KAZN: variants seen among roughly 807,000 people sequenced by gnomAD.
The protein encoded by KAZN is kazrin.
Under a neutral mutation model 87.4 loss-of-function variants are expected in KAZN, and 40 were observed. The observed-to-expected ratio is 0.46, with a 90% confidence interval of 0.36 to 0.60. The LOEUF (loss-of-function observed/expected upper bound fraction) is 0.60, where lower values mean the gene tolerates loss of function less well. KAZN is among the 20% of genes least tolerant of loss of function. The pLI is 0.00. For missense variants in KAZN, 898 were observed against 1,073.9 expected, an observed-to-expected ratio of 0.84 and a Z score of 2.29; for synonymous variants, 466 against 458.3, an observed-to-expected ratio of 1.02 and a Z score of -0.22.
intron 1 of KAZN, among the ~76,000 whole-genome samples, chr1:14,839,301 C>A (rs538948757): frequency 7.2e-5 from 11 of 152,324 alleles, no homozygotes; most frequent in African/African-American, 2.6e-4. Context: ...GTCCCCCTAC[C>A]TTCCCTGGCC....
chr1:14,947,046 A>G (rs946441307), intron 1 of KAZN, among the ~76,000 whole-genome samples: 2 of 152,030 alleles, frequency 1.3e-5, no homozygotes, highest in Non-Finnish European at 2.9e-5. Context: ...ATGGGTGGAG[A>G]AGGAAACTGA....
intron 2 of KAZN, among the ~76,000 whole-genome samples, chr1:14,197,452 G>A (rs1000315903): frequency 2.0e-5 from 3 of 151,258 alleles, no homozygotes; most frequent in African/African-American, 7.3e-5. Flanking sequence ...ACTTTGGGAG[G>A]TGAATCAGGT....
intron 2 of KAZN, among the ~76,000 whole-genome samples, chr1:14,555,560 T>G (rs184671777): frequency 1.3e-5 from 2 of 152,152 alleles, no homozygotes; most frequent in Non-Finnish European, 1.5e-5. Context: ...ATTTTTGACA[T>G]CCCTGGAGAT....
chr1:14,677,283 G>A (rs1220032126), intron 1 of KAZN, among the ~76,000 whole-genome samples: 1 of 152,188 alleles, frequency 6.6e-6, no homozygotes, highest in Non-Finnish European at 1.5e-5. Flanking sequence ...AAGGGCTTCT[G>A]AGGGATAATG....
intron 1 of KAZN, among the ~76,000 whole-genome samples, chr1:13,942,967 TATGGAC>T (rs1319628424): frequency 2.0e-5 from 3 of 152,102 alleles, no homozygotes; most frequent in Admixed American, 2.0e-4. Flanking sequence ...GTAAGAGACA[TATGGAC>T]ATGGTAAAAA....
rs747934824 is a variant in KAZN, at chr1:14,749,941, GT to G, written c.226+150723del. ...AAATGAGGTCATAGTTCTGTATCTT[GT>G]TTTTGGTTGGTGGTTACACAAATCT... is the stretch of plus-strand genomic sequence containing the variant. On this transcript the variant is annotated intron_variant, in intron 1 of 14. Coordinates refer to ENST00000376030, the MANE Select transcript of KAZN (RefSeq NM_201628.3). Among the ~76,000 whole-genome samples, 402 of 152,174 alleles carry G rather than the reference GT, an allele frequency of 2.6e-3. 1 individual carries two copies. The highest frequency in any genetic ancestry group is 4.4e-3 in the Non-Finnish European group (297 of 68,014).
intron 2 of KAZN, among the ~76,000 whole-genome samples, chr1:15,008,963 C>T (rs905713458): frequency 6.6e-5 from 10 of 152,246 alleles, no homozygotes; most frequent in African/African-American, 2.4e-4. Flanking sequence ...AAATTCTTCA[C>T]TTTGGTTTCC....
intron 1 of KAZN, among the ~76,000 whole-genome samples, chr1:14,738,621 A>C (rs1400815706): frequency 6.6e-6 from 1 of 152,156 alleles, no homozygotes; most frequent in Non-Finnish European, 1.5e-5. Flanking sequence ...AATGAGCTTC[A>C]GGAGAAGAGA....
chr1:14,084,405 T>C (rs1643788638), intron 1 of KAZN, among the ~76,000 whole-genome samples: 2 of 152,134 alleles, frequency 1.3e-5, no homozygotes, highest in South Asian at 4.1e-4. Flanking sequence ...CCCTGCTATT[T>C]GGCACATGCA....
chr1:14,741,424 T>C (rs571439830), intron 1 of KAZN, among the ~76,000 whole-genome samples: 12 of 152,320 alleles, frequency 7.9e-5, no homozygotes, highest in Admixed American at 1.3e-4. Context: ...AGTTTTTTTC[T>C]TGGGTTTGTT....
At chr1:14,225,353 A>G (rs967577565) in intron 2 of KAZN, among the ~76,000 whole-genome samples, 1 of 152,176 alleles carries the variant, frequency 6.6e-6, no homozygotes, top group Non-Finnish European at 1.5e-5. Flanking sequence ...AGTGAGAATT[A>G]CAAAACACAG....
At chr1:14,259,662 T>C (rs1650858025) in intron 2 of KAZN, among the ~76,000 whole-genome samples, 1 of 152,178 alleles carries the variant, frequency 6.6e-6, no homozygotes, top group African/African-American at 2.4e-5. Context: ...ACCCCGGACA[T>C]GAGACAAACT....
At chr1:14,694,286 G>T (rs912745596) in intron 1 of KAZN, among the ~76,000 whole-genome samples, 2 of 152,214 alleles carry the variant, frequency 1.3e-5, no homozygotes, top group Non-Finnish European at 2.9e-5. Flanking sequence ...GCCAAGGAAG[G>T]GTCAATGGGC....
At chr1:14,569,851 A>C (rs1674757176) in intron 2 of KAZN, among the ~76,000 whole-genome samples, 1 of 150,586 alleles carries the variant, frequency 6.6e-6, no homozygotes, top group South Asian at 2.1e-4. Flanking sequence ...GGTGGCTCAC[A>C]CCTGTAATCC....
chr1:14,133,521 T>G (rs1040756247), intron 1 of KAZN, among the ~76,000 whole-genome samples: 2 of 152,062 alleles, frequency 1.3e-5, no homozygotes, highest in African/African-American at 4.8e-5. Context: ...AATTCCTCAG[T>G]GGACAAATGC....
chr1:15,032,113 C>T (rs1200189613), intron 2 of KAZN, among the ~76,000 whole-genome samples: 2 of 152,048 alleles, frequency 1.3e-5, no homozygotes, highest in Non-Finnish European at 2.9e-5. Flanking sequence ...GATCCACCCC[C>T]ACACCCAGCC....
At chr1:14,948,970 A>T (rs984373474) in intron 1 of KAZN, among the ~76,000 whole-genome samples, 1 of 152,112 alleles carries the variant, frequency 6.6e-6, no homozygotes, top group Non-Finnish European at 1.5e-5. Context: ...CAGCCTGGCC[A>T]ACATGGCAAA....
intron 2 of KAZN, among the ~76,000 whole-genome samples, chr1:14,297,858 G>A (rs1352940503): frequency 1.3e-5 from 2 of 152,154 alleles, no homozygotes; most frequent in Non-Finnish European, 2.9e-5. Context: ...CCCTGGGTTG[G>A]GACATCAAGA....
At chr1:14,432,888 G>A (rs1256075187) in intron 2 of KAZN, among the ~76,000 whole-genome samples, 1 of 152,144 alleles carries the variant, frequency 6.6e-6, no homozygotes, top group African/African-American at 2.4e-5. Flanking sequence ...TGATGTCCCT[G>A]CAAAGGACAT....
Sources: gnomAD v4.1 joint callset for allele counts (sites outside exome capture counted in the v4.1 genomes callset) on GRCh38, gnomAD v4.1.1 for gene constraint, MANE v1.5 for transcripts, NCBI Gene and HGNC (gene_info 2026-07-23, HGNC 2026-07-21) for gene names.